The following ADGRG2 variants were observed in gnomAD, a reference collection of about 807,000 sequenced individuals.
The protein encoded by ADGRG2 is G protein-coupled receptor 64.
In ADGRG2, 26 loss-of-function variants were observed where a neutral mutation model predicts 74.1. The ratio of observed to expected loss-of-function variants is 0.35; its 90% CI spans 0.26 to 0.49. The LOEUF is 0.49. ADGRG2 is among the 20% of genes least tolerant of loss of function. The pLI is 0.99. For missense variants in ADGRG2, 619 were observed against 763.1 expected, an observed-to-expected ratio of 0.81 and a Z score of 2.22; for synonymous variants, 296 against 295.2, an observed-to-expected ratio of 1.00 and a Z score of -0.03.
At chrX:19,068,278 T>C (rs2061597914) in intron 3 of ADGRG2, among the ~76,000 whole-genome samples, 2 of 112,561 alleles carry the variant, frequency 1.8e-5, no homozygotes, top group Admixed American at 1.9e-4. Context: ...AGTGAAACAT[T>C]AGCTGTTAAA....
intron 16 of ADGRG2, among the ~76,000 whole-genome samples, chrX:19,012,374 G>C (rs1402664177): frequency 3.6e-5 from 4 of 111,376 alleles, no homozygotes; most frequent in African/African-American, 1.3e-4. Flanking sequence ...TTAGCTTTGG[G>C]AAGGTGGGCA....
chrX:19,117,475 T>C (rs1408962327), intron 1 of ADGRG2, among the ~76,000 whole-genome samples: 3 of 110,132 alleles, frequency 2.7e-5, no homozygotes, highest in African/African-American at 9.9e-5. Context: ...TTCCCCCAAA[T>C]AAGAACATTA....
At chrX:19,121,958 G>C (rs922985851) in intron 1 of ADGRG2, among the ~76,000 whole-genome samples, 6 of 111,718 alleles carry the variant, frequency 5.4e-5, no homozygotes, top group African/African-American at 9.7e-5. Context: ...CCACCTGTTC[G>C]GGGCCGCGCC....
At chrX:19,032,243 A>C (rs2060840363) in intron 8 of ADGRG2, 1 of 111,578 alleles carries the variant, frequency 9.0e-6, no homozygotes, top group African/African-American at 3.3e-5. Context: ...AAATTTAGGT[A>C]CCCCAAATTA....
In ADGRG2 at chrX:19,068,700, A is replaced by C; in HGVS notation, c.118+17T>G. On this transcript the variant is annotated intron_variant, in intron 3 of 28. Transcript: ENST00000379869. ...ATAAACAGAAAAAAAAAAAATGAAG[A>C]AAAACAGACACATTACCTTCCAGGG... 1 of 756,922 alleles carries C rather than the reference A, an allele frequency of 1.3e-6. No homozygotes were observed. Among genetic ancestry groups the C allele is most frequent in the Non-Finnish European group, 1.9e-6 (1 of 518,262 alleles). 62.4% of individuals were successfully genotyped at this position (756,922 alleles called of 1,213,427 possible). A position where few individuals can be genotyped will look rare whatever the true frequency, so the allele number is the denominator to read the frequency against.
At chrX:19,068,863 C>A (rs767751435) in intron 2 of ADGRG2, 28 bp from the exon 3 acceptor site, 4 of 723,531 alleles carry the variant, frequency 5.5e-6, no homozygotes, top group Non-Finnish European at 8.5e-6. Context: ...GAAGACAGAT[C>A]ATCACAGCTG....
intron 15 of ADGRG2, among the ~76,000 whole-genome samples, chrX:19,018,992 G>A (rs963481745): frequency 5.4e-5 from 6 of 111,084 alleles, no homozygotes; most frequent in Non-Finnish European, 9.4e-5. Flanking sequence ...ACAGGCGCCC[G>A]CCACCATGCC....
chrX:19,122,602 G>T (rs2062629638), upstream of ADGRG2: 1 of 109,394 alleles, frequency 9.1e-6, no homozygotes, highest in African/African-American at 3.2e-5. Context: ...GCGCGGCGTG[G>T]CGCGTCGGGC....
chrX:19,007,438 C>A, intron 19 of ADGRG2, 81 bp from the exon 20 acceptor site: 1 of 939,335 alleles, frequency 1.1e-6, no homozygotes, highest in South Asian at 2.1e-5. Flanking sequence ...ATATTCAGTC[C>A]ACATTGTTTA....
At chrX:19,069,867 CCAGA>C (rs2061625518) in intron 2 of ADGRG2, among the ~76,000 whole-genome samples, 1 of 112,675 alleles carries the variant, frequency 8.9e-6, no homozygotes. Flanking sequence ...CTCCTGGATG[CCAGA>C]CAAAGACCTT....
chrX:19,113,035 A>G (rs899653247), intron 1 of ADGRG2, among the ~76,000 whole-genome samples: 3 of 107,961 alleles, frequency 2.8e-5, no homozygotes, highest in African/African-American at 1.0e-4. Flanking sequence ...GAAAGGCAAT[A>G]GAAGTGTTCC....
At chrX:18,994,308 G>A (rs1471679617) in intron 28 of ADGRG2, among the ~76,000 whole-genome samples, 1 of 111,533 alleles carries the variant, frequency 9.0e-6, no homozygotes, top group African/African-American at 3.3e-5. Flanking sequence ...TGGCCAACAT[G>A]GTGAAACCTG....
intron 1 of ADGRG2, among the ~76,000 whole-genome samples, chrX:19,116,506 CAAAAAAAAAAAA>C (rs10677696): frequency 3.0e-3 from 71 of 24,018 alleles, no homozygotes; most frequent in Non-Finnish European, 5.2e-3. Context: ...GATTCCGTCT[CAAAAAAAAAAAA>C]AAAAAAAAAA....
chrX:19,070,960 C>A (rs2061644558), intron 2 of ADGRG2, among the ~76,000 whole-genome samples: 1 of 110,808 alleles, frequency 9.0e-6, no homozygotes, highest in Non-Finnish European at 1.9e-5. Context: ...TAAATGTTAG[C>A]TGTGCTCTTC....
In ADGRG2 at chrX:19,037,474, G is replaced by A; in HGVS notation, c.219C>T (p.Ser73=). Residue 73 remains serine, a synonymous_variant, in exon 6 of 29, where the codon AGC becomes AGT. Coordinates refer to ENST00000379869, the MANE Select transcript of ADGRG2 (RefSeq NM_001079858.3). ...SNGTPEVETT[S]LNDVTLSLLP... The stretch of plus-strand genomic sequence containing the variant: ...CTTCAGAAAAATTCTTACCATTGAG[G>A]CTTGTTGTTTCAACCTCTTTTTGTC... 8.5e-7 allele frequency: 1 copy of A among 1,176,580 alleles called. No homozygotes were observed. The highest frequency in any genetic ancestry group is 1.8e-5 in the South Asian group (1 of 54,386).
intron 28 of ADGRG2, among the ~76,000 whole-genome samples, chrX:18,994,359 G>A (rs2059977893): frequency 9.0e-6 from 1 of 110,498 alleles, no homozygotes; most frequent in African/African-American, 3.3e-5. Flanking sequence ...CATCGTGGCG[G>A]TCACCTGTAG....
intron 2 of ADGRG2, among the ~76,000 whole-genome samples, chrX:19,077,514 CAAAA>C (rs78215190): frequency 2.5e-5 from 1 of 40,282 alleles, no homozygotes; most frequent in African/African-American, 9.1e-5. Flanking sequence ...AACTCTATTT[CAAAA>C]AAAAAAAAAA....
chrX:19,119,649 A>C (rs1300772750), intron 1 of ADGRG2, among the ~76,000 whole-genome samples: 1 of 111,606 alleles, frequency 9.0e-6, no homozygotes, highest in East Asian at 2.8e-4. Flanking sequence ...AAAGTGGAAA[A>C]ATGTGTTTTT....
intron 1 of ADGRG2, among the ~76,000 whole-genome samples, chrX:19,110,543 G>A (rs766587727): frequency 2.0e-4 from 22 of 109,580 alleles, no homozygotes; most frequent in African/African-American, 7.0e-4. Context: ...AAAATTAGCC[G>A]GGTGTGGTTG....
Sources: gnomAD v4.1 joint callset for allele counts (sites outside exome capture counted in the v4.1 genomes callset) on GRCh38, gnomAD v4.1.1 for gene constraint, MANE v1.5 for transcripts, NCBI Gene and HGNC (gene_info 2026-07-23, HGNC 2026-07-21) for gene names.